Variants in RHOBTB3 observed in about 807,000 individuals in gnomAD.
RHOBTB3 encodes Rho related BTB domain containing 3, also known as rho-related BTB domain-containing protein 3.
A neutral mutation model predicts 67.2 loss-of-function variants in RHOBTB3; 47 were observed. That is an observed-to-expected ratio of 0.70 (90% confidence interval 0.55 to 0.89). The LOEUF is 0.89. Among genes scored for constraint, RHOBTB3 ranks in the 40% least tolerant of loss-of-function variants. The pLI, the probability that RHOBTB3 is intolerant of heterozygous loss-of-function variation, is 0.00. For synonymous variants in RHOBTB3, 273 were observed against 274.2 expected, an observed-to-expected ratio of 1.00 and a Z score of 0.04; for missense variants, 631 against 750.0, an observed-to-expected ratio of 0.84 and a Z score of 1.85.
At chr5:95,758,159 T>C (rs1020658297) in intron 6 of RHOBTB3, among the ~76,000 whole-genome samples, 8 of 152,152 alleles carry the variant, frequency 5.3e-5, no homozygotes, top group Admixed American at 5.2e-4. Context: ...GCTAGATGTA[T>C]CTCCAGTGGC....
intron 4 of RHOBTB3, among the ~76,000 whole-genome samples, 166 bp from the exon 5 acceptor site, chr5:95,752,073 C>T (rs946068694): frequency 1.3e-5 from 2 of 152,136 alleles, no homozygotes; most frequent in Non-Finnish European, 2.9e-5. Context: ...CTGCTCCACT[C>T]GATTCATTTT....
intron 6 of RHOBTB3, among the ~76,000 whole-genome samples, chr5:95,757,308 G>A (rs1156619101): frequency 6.6e-6 from 1 of 152,216 alleles, no homozygotes; most frequent in African/African-American, 2.4e-5. Flanking sequence ...GAATTTTAAT[G>A]TAAGCATCTA....
chr5:95,782,809 CAAAAAAAAAAA>C (rs5869692), intron 9 of RHOBTB3: 55,282 of 101,498 alleles, frequency 0.54, 12,351 homozygotes, highest in African/African-American at 0.65. Flanking sequence ...GACTCCATCT[CAAAAAAAAAAA>C]AAAAAAAAAA....
At chr5:95,748,250 G>A in intron 3 of RHOBTB3, 83 bp from the exon 4 acceptor site, 2 of 1,010,266 alleles carry the variant, frequency 2.0e-6, no homozygotes, top group Non-Finnish European at 2.9e-6. Context: ...TGAGCTCTTT[G>A]TTGTTTAATG....
At chr5:95,737,570 C>CAG (rs1415317215) in intron 3 of RHOBTB3, among the ~76,000 whole-genome samples, 1 of 151,438 alleles carries the variant, frequency 6.6e-6, no homozygotes, top group Non-Finnish European at 1.5e-5. Flanking sequence ...CAGGCTGCTT[C>CAG]AGCCATTGCT....
upstream of RHOBTB3, among the ~76,000 whole-genome samples, chr5:95,729,993 A>C (rs1431022712): frequency 6.6e-6 from 1 of 152,186 alleles, no homozygotes; most frequent in Non-Finnish European, 1.5e-5. Flanking sequence ...ACCCAAGAGA[A>C]AAAGTGATCT....
chr5:95,795,672 A>T lies in RHOBTB3; in HGVS notation c.*2498A>T, dbSNP rs184902304. 6.6e-6 allele frequency: 1 copy of T among 152,220 alleles called. No individual in the cohort carries two copies. Among genetic ancestry groups the T allele is most frequent in the Non-Finnish European group, 1.5e-5 (1 of 68,038 alleles). 9.4% of individuals were successfully genotyped at this position (152,220 alleles called of 1,614,324 possible). A position where few individuals can be genotyped will look rare whatever the true frequency, so the allele number is the denominator to read the frequency against. Reference sequence around the variant, plus strand: ...ACATCCAGATGTCACAGCTCTCCAGAGCTAGTCAGAAGAGAAATCAAATTA... The same window carrying T: ...ACATCCAGATGTCACAGCTCTCCAGTGCTAGTCAGAAGAGAAATCAAATTA... On this transcript the variant is annotated 3_prime_UTR_variant, in exon 12 of 12. Transcript: ENST00000379982.
intron 4 of RHOBTB3, among the ~76,000 whole-genome samples, chr5:95,750,527 G>A (rs1285545452): frequency 6.6e-6 from 1 of 152,212 alleles, no homozygotes; most frequent in African/African-American, 2.4e-5. Context: ...AGTGGCTACT[G>A]TATTATATAA....
At chr5:95,778,895 G>A (rs1411154044) in intron 8 of RHOBTB3, among the ~76,000 whole-genome samples, 1 of 152,206 alleles carries the variant, frequency 6.6e-6, no homozygotes, top group Non-Finnish European at 1.5e-5. Context: ...CTGGGTGGGA[G>A]GGCTTCCCAA....
At chr5:95,767,665 C>A (rs929562141) in intron 7 of RHOBTB3, 9 of 574,266 alleles carry the variant, frequency 1.6e-5, no homozygotes, top group African/African-American at 1.5e-4. Flanking sequence ...AAATCAAGGA[C>A]TGTCTTAATG....
chr5:95,726,490 A>C (rs913640716), upstream of RHOBTB3, among the ~76,000 whole-genome samples: 25 of 152,372 alleles, frequency 1.6e-4, no homozygotes, highest in African/African-American at 5.5e-4. Context: ...TCAGAATATC[A>C]TTGTCTATTA....
chr5:95,786,137 G>A (rs1338105662), intron 10 of RHOBTB3, among the ~76,000 whole-genome samples: 1 of 151,982 alleles, frequency 6.6e-6, no homozygotes, highest in Non-Finnish European at 1.5e-5. Context: ...TCCTAATTTG[G>A]CAATTGTGAA....
At chr5:95,727,967 A>G (rs1255720804), upstream of RHOBTB3, among the ~76,000 whole-genome samples, 1 of 152,210 alleles carries the variant, frequency 6.6e-6, no homozygotes, top group East Asian at 1.9e-4. Context: ...TAATAGCTTC[A>G]AACACCTGGC....
rs979070274 is a variant in RHOBTB3 at position 95,791,342 on chromosome 5, A to G, written c.1721-1717A>G. Among the ~76,000 whole-genome samples the G allele has an allele frequency of 5.3e-5, 8 of 152,264 alleles. No individual in the cohort carries two copies. In the East Asian group the frequency reaches 5.8e-4, roughly 11 times the overall value. ...AACACAAACAGCGGTGCACAGGAAT[A>G]TGTTACCCTTGGCATTTATGGATTC... is the stretch of plus-strand genomic sequence containing the variant. On this transcript the variant is annotated intron_variant, in intron 11 of 11. Coordinates refer to ENST00000379982, the MANE Select transcript of RHOBTB3 (RefSeq NM_014899.4).
intron 7 of RHOBTB3, chr5:95,767,828 C>T (rs1432357662): frequency 4.3e-6 from 3 of 705,058 alleles, no homozygotes; most frequent in African/African-American, 1.7e-5. Flanking sequence ...AATTTGTTTA[C>T]TGCTGTGAAT....
chr5:95,741,321 C>CTTT (rs1248001118), intron 3 of RHOBTB3, among the ~76,000 whole-genome samples: 1 of 144,938 alleles, frequency 6.9e-6, no homozygotes, highest in African/African-American at 2.6e-5. Flanking sequence ...GAGCGAGACT[C>CTTT]TGACTAAAAA....
chr5:95,773,301 T>G (rs896165835), intron 8 of RHOBTB3, among the ~76,000 whole-genome samples: 5 of 152,148 alleles, frequency 3.3e-5, no homozygotes, highest in African/African-American at 1.2e-4. Flanking sequence ...GTGCAGCAAC[T>G]GCTGTGGTGC....
At chr5:95,733,490 C>T (rs1287620571) in intron 2 of RHOBTB3, among the ~76,000 whole-genome samples, 1 of 152,138 alleles carries the variant, frequency 6.6e-6, no homozygotes, top group Non-Finnish European at 1.5e-5. Context: ...TAACACTTTC[C>T]TGTTTATACT....
intron 8 of RHOBTB3, chr5:95,770,478 A>G (rs1745676338): frequency 3.3e-6 from 1 of 307,158 alleles, no homozygotes; most frequent in Non-Finnish European, 6.7e-6. Flanking sequence ...TTTGGTAGTT[A>G]CAACAATTGT....
Sources: allele counts gnomAD v4.1 joint callset (sites outside exome capture counted in the v4.1 genomes callset), GRCh38; gene constraint gnomAD v4.1.1; transcripts MANE v1.5; gene names NCBI Gene and HGNC (gene_info 2026-07-23, HGNC 2026-07-21).